Variants in FABP12 observed in about 807,000 individuals in gnomAD.
FABP12 encodes fatty acid-binding protein 12.
In FABP12, 19 loss-of-function variants were observed where a neutral mutation model predicts 13.7. That is an observed-to-expected ratio of 1.39 (90% confidence interval 0.97 to 2.04). The LOEUF is 2.04. Among genes scored for constraint, FABP12 ranks in the 30% most tolerant of loss-of-function variants. The pLI is 0.00. For missense variants in FABP12, 182 were observed against 164.2 expected (o/e 1.11, Z -0.59); for synonymous variants, 61 against 57.0 (o/e 1.07, Z -0.32).
In FABP12 at chr8:81,529,438, CT is replaced by C. The variant is rs1809000464; in HGVS notation, c.245del (p.Lys82ArgfsTer4). The C allele has an allele frequency of 6.2e-7, 1 of 1,613,640 alleles. No homozygotes were observed. Among genetic ancestry groups the C allele is most frequent in the Admixed American group, 1.7e-5 (1 of 59,994 alleles). On this transcript the variant is annotated frameshift_variant and splice_region_variant, in exon 3 of 5. Transcript: ENST00000360464. LOFTEE classifies it high-confidence loss of function. ...TCTGAAAGACTGTCGTAGGCCTCAC[CT>C]TTGTTTTGTGGCCACCTGGCGTGAT...
At chr8:81,533,047 T>A (rs1809120178) in intron 1 of FABP12, 1 of 152,122 alleles carries the variant, frequency 6.6e-6, no homozygotes, top group Non-Finnish European at 1.5e-5. Flanking sequence ...TGCACATGGA[T>A]CCCCTCCCAC....
chr8:81,574,498 T>C (rs1809996951), intron 1 of FABP12, among the ~76,000 whole-genome samples: 1 of 152,140 alleles, frequency 6.6e-6, no homozygotes, highest in South Asian at 2.1e-4. Flanking sequence ...CTTCTTTCTC[T>C]GTCTTGTAGA....
At chr8:81,537,053 T>C (rs539667400), upstream of FABP12, among the ~76,000 whole-genome samples, 1 of 148,924 alleles carries the variant, frequency 6.7e-6, no homozygotes, top group Non-Finnish European at 1.5e-5. Flanking sequence ...GATAGAAGAA[T>C]GGTGGATACC....
At chr8:81,570,960 G>A (rs1210992929) in intron 1 of FABP12, among the ~76,000 whole-genome samples, 2 of 152,040 alleles carry the variant, frequency 1.3e-5, no homozygotes, top group African/African-American at 4.8e-5. Context: ...CTTCTGCCCA[G>A]GAGCCCGTAT....
intron 3 of FABP12, among the ~76,000 whole-genome samples, chr8:81,528,548 C>G (rs1808970453): frequency 6.6e-6 from 1 of 152,006 alleles, no homozygotes; most frequent in Non-Finnish European, 1.5e-5. Flanking sequence ...TATTATCCTC[C>G]ATATAGTTTA....
chr8:81,532,548 T>C (rs1585836547), intron 1 of FABP12, among the ~76,000 whole-genome samples: 1 of 152,194 alleles, frequency 6.6e-6, no homozygotes, highest in East Asian at 1.9e-4. Context: ...TTTGGCCAGG[T>C]GCAGTGGTTC....
intron 1 of FABP12, among the ~76,000 whole-genome samples, chr8:81,561,818 T>G (rs1431251300): frequency 6.6e-6 from 1 of 152,166 alleles, no homozygotes; most frequent in East Asian, 1.9e-4. Context: ...GCCCCATCAC[T>G]GAGGGGCAAA....
intron 1 of FABP12, among the ~76,000 whole-genome samples, chr8:81,584,301 T>G (rs1301430740): frequency 6.6e-6 from 1 of 152,186 alleles, no homozygotes; most frequent in Non-Finnish European, 1.5e-5. Flanking sequence ...CTGTGGTGAT[T>G]GCAAGTCCAG....
At chr8:81,554,498 C>T (rs953813573) in intron 1 of FABP12, among the ~76,000 whole-genome samples, 1 of 152,186 alleles carries the variant, frequency 6.6e-6, no homozygotes, top group Non-Finnish European at 1.5e-5. Context: ...ATTGAAATAA[C>T]TGAAATTCAA....
intron 1 of FABP12, among the ~76,000 whole-genome samples, chr8:81,565,353 C>T (rs535144952): frequency 6.6e-6 from 1 of 152,140 alleles, no homozygotes; most frequent in South Asian, 2.1e-4. Flanking sequence ...TAGGTATTTG[C>T]AGGACTTTTC....
chr8:81,557,692 A>G (rs976508489), intron 1 of FABP12, among the ~76,000 whole-genome samples: 6 of 152,238 alleles, frequency 3.9e-5, no homozygotes, highest in Admixed American at 1.3e-4. Context: ...ACCTGAGTTA[A>G]ACATGTTAAC....
At chr8:81,562,632 C>T (rs1357560999) in intron 1 of FABP12, among the ~76,000 whole-genome samples, 2 of 152,120 alleles carry the variant, frequency 1.3e-5, no homozygotes, top group Non-Finnish European at 2.9e-5. Context: ...GGTAGCCAGG[C>T]AGTACTCACT....
intron 1 of FABP12, among the ~76,000 whole-genome samples, chr8:81,567,208 GT>G (rs1245084237): frequency 6.6e-6 from 1 of 152,178 alleles, no homozygotes; most frequent in African/African-American, 2.4e-5. Flanking sequence ...AATCAAGATT[GT>G]TAAAATGCCC....
chr8:81,559,122 T>C (rs1243602245), intron 1 of FABP12, among the ~76,000 whole-genome samples: 1 of 152,184 alleles, frequency 6.6e-6, no homozygotes, highest in Non-Finnish European at 1.5e-5. Flanking sequence ...TTTGGAGTCT[T>C]ATCCCAAATT....
At chr8:81,577,841 C>T (rs1207925923) in intron 1 of FABP12, among the ~76,000 whole-genome samples, 1 of 152,272 alleles carries the variant, frequency 6.6e-6, no homozygotes, top group Admixed American at 6.5e-5. Context: ...GAATAGGGAA[C>T]AAGAATAGCT....
intron 1 of FABP12, among the ~76,000 whole-genome samples, chr8:81,558,320 T>C (rs557816344): frequency 1.3e-5 from 2 of 151,872 alleles, no homozygotes; most frequent in Non-Finnish European, 2.9e-5. Context: ...GCAATTAGAG[T>C]AAGAATTCTG....
chr8:81,556,999 T>C (rs1809632201), intron 1 of FABP12, among the ~76,000 whole-genome samples: 1 of 150,820 alleles, frequency 6.6e-6, no homozygotes, highest in South Asian at 2.1e-4. Context: ...CTCAGCCTCT[T>C]GGGTAGCTGG....
chr8:81,546,044 C>T (rs1809429993), intron 1 of FABP12, among the ~76,000 whole-genome samples: 2 of 152,172 alleles, frequency 1.3e-5, no homozygotes, highest in South Asian at 4.1e-4. Flanking sequence ...TTTTGCTTTG[C>T]ACCTTCATCA....
intron 1 of FABP12, among the ~76,000 whole-genome samples, chr8:81,543,121 A>G (rs896492261): frequency 6.6e-6 from 1 of 152,232 alleles, no homozygotes; most frequent in African/African-American, 2.4e-5. Context: ...AATTACAATG[A>G]AATATCCAGT....
Sources: gnomAD v4.1 joint callset for allele counts (sites outside exome capture counted in the v4.1 genomes callset) on GRCh38, gnomAD v4.1.1 for gene constraint, MANE v1.5 for transcripts, NCBI Gene and HGNC (gene_info 2026-07-23, HGNC 2026-07-21) for gene names.